RASGRF2: variants seen among roughly 807,000 people sequenced by gnomAD.
The protein encoded by RASGRF2 is Ras protein specific guanine nucleotide releasing factor 2.
RASGRF2 carries 76 observed loss-of-function variants against 151.0 expected under a neutral mutation model. The observed-to-expected ratio is 0.50, with a 90% CI of 0.42 to 0.61. RASGRF2 has a LOEUF of 0.61. Ranked by LOEUF, RASGRF2 falls within the 20% of genes least tolerant of loss-of-function variation. The pLI is 0.00. For synonymous variants in RASGRF2, 504 were observed against 566.5 expected, an observed-to-expected ratio of 0.89 and a Z score of 1.57; for missense variants, 1,148 against 1,564.6, an observed-to-expected ratio of 0.73 and a Z score of 4.49.
intron 12 of RASGRF2, among the ~76,000 whole-genome samples, chr5:81,103,051 A>G (rs559674818): frequency 1.3e-5 from 2 of 152,262 alleles, no homozygotes; most frequent in South Asian, 2.1e-4. Context: ...TAATAAAACT[A>G]TAAAAGAAAG....
At chr5:80,963,049 G>C (rs1204428486) in intron 1 of RASGRF2, among the ~76,000 whole-genome samples, 1 of 152,230 alleles carries the variant, frequency 6.6e-6, no homozygotes, top group East Asian at 1.9e-4. Flanking sequence ...AGTTGGGTTA[G>C]CTTAGCCCAC....
intron 16 of RASGRF2, among the ~76,000 whole-genome samples, chr5:81,125,017 AG>A (rs1239371569): frequency 6.6e-6 from 1 of 152,062 alleles, no homozygotes; most frequent in African/African-American, 2.4e-5. Context: ...CCTCCCGAGT[AG>A]CCAGGATTAC....
At chr5:81,000,982 T>C (rs1580187498) in intron 1 of RASGRF2, among the ~76,000 whole-genome samples, 1 of 152,346 alleles carries the variant, frequency 6.6e-6, no homozygotes, top group Middle Eastern at 3.4e-3. Context: ...CACCAGTGAA[T>C]GCAGTCTCAA....
chr5:81,205,057 C>A (rs1755474904), intron 19 of RASGRF2, among the ~76,000 whole-genome samples: 1 of 152,164 alleles, frequency 6.6e-6, no homozygotes, highest in African/African-American at 2.4e-5. Context: ...CCATGTGTAA[C>A]CCTTACATGT....
intron 17 of RASGRF2, among the ~76,000 whole-genome samples, chr5:81,139,405 CTTTTTT>C (rs757190046): frequency 3.3e-5 from 2 of 60,446 alleles, no homozygotes; most frequent in African/African-American, 1.0e-4. Context: ...TTCTTTCTTT[CTTTTTT>C]TTTTTTTTGA....
intron 15 of RASGRF2, among the ~76,000 whole-genome samples, chr5:81,118,159 A>G (rs984462847): frequency 6.6e-6 from 1 of 152,200 alleles, no homozygotes; most frequent in African/African-American, 2.4e-5. Flanking sequence ...GCATTGCCCC[A>G]GTGAGGACTC....
chr5:81,076,600 G>T (rs896148058), intron 5 of RASGRF2, among the ~76,000 whole-genome samples: 3 of 151,098 alleles, frequency 2.0e-5, no homozygotes, highest in Non-Finnish European at 3.0e-5. Flanking sequence ...TGGGAGGGAA[G>T]TGTCGGAGTT....
chr5:80,961,140 G>T, intron 1 of RASGRF2, 114 bp downstream of exon 1: 1 of 1,202,906 alleles, frequency 8.3e-7, no homozygotes, highest in Non-Finnish European at 1.1e-6. Flanking sequence ...ACTATGCTCC[G>T]AAATCCCCCC....
intron 16 of RASGRF2, among the ~76,000 whole-genome samples, chr5:81,124,365 A>G (rs1561219097): frequency 7.0e-6 from 1 of 142,110 alleles, no homozygotes; most frequent in Non-Finnish European, 1.5e-5. Context: ...TTTTGTGAGG[A>G]GTAACGTGAA....
At chr5:81,012,543 G>A (rs980442182) in intron 1 of RASGRF2, among the ~76,000 whole-genome samples, 4 of 152,080 alleles carry the variant, frequency 2.6e-5, no homozygotes, top group East Asian at 1.9e-4. Flanking sequence ...GTCTGTCGGC[G>A]CCTTCAGAGT....
chr5:81,219,862 A>G, intron 26 of RASGRF2, 84 bp downstream of exon 26: 1 of 1,122,648 alleles, frequency 8.9e-7, no homozygotes, highest in Non-Finnish European at 1.3e-6. Context: ...AGTTGATCCA[A>G]AATACCAAAA....
chr5:81,047,984 A>G (rs2112406243), intron 2 of RASGRF2, among the ~76,000 whole-genome samples: 1 of 152,340 alleles, frequency 6.6e-6, no homozygotes, highest in Non-Finnish European at 1.5e-5. Context: ...AGCAAGGTAT[A>G]TAGTATAAAA....
At chr5:81,067,255 G>A (rs1260771881) in intron 2 of RASGRF2, among the ~76,000 whole-genome samples, 2 of 152,108 alleles carry the variant, frequency 1.3e-5, no homozygotes, top group African/African-American at 2.4e-5. Flanking sequence ...TACCATTGGG[G>A]AAAGATGATA....
intron 1 of RASGRF2, among the ~76,000 whole-genome samples, chr5:81,000,304 C>T (rs1248449863): frequency 6.6e-6 from 1 of 152,184 alleles, no homozygotes; most frequent in Non-Finnish European, 1.5e-5. Context: ...TGCAATGGTG[C>T]GATCTTGGCT....
chr5:81,119,547 G>A (rs1753248485), intron 15 of RASGRF2, among the ~76,000 whole-genome samples: 1 of 152,232 alleles, frequency 6.6e-6, no homozygotes. Flanking sequence ...ATAGCATGGA[G>A]AGACCAAGAT....
At chr5:80,992,204 A>ACACATACACACACACACACACAC (rs1554083300) in intron 1 of RASGRF2, among the ~76,000 whole-genome samples, 2 of 152,092 alleles carry the variant, frequency 1.3e-5, no homozygotes, top group Non-Finnish European at 2.9e-5. Context: ...ACACAGAGAC[A>ACACATACACACACACACACACAC]AGAGAGAGGA....
chr5:81,164,455 T>TG (rs1754459389), intron 17 of RASGRF2, among the ~76,000 whole-genome samples: 2 of 56,500 alleles, frequency 3.5e-5, no homozygotes, highest in Non-Finnish European at 4.8e-5. Flanking sequence ...CCACGTTTGA[T>TG]GAAAAAAAAA....
chr5:80,979,858 C>T (rs1281470987), intron 1 of RASGRF2, among the ~76,000 whole-genome samples: 1 of 152,094 alleles, frequency 6.6e-6, no homozygotes, highest in East Asian at 1.9e-4. Flanking sequence ...CTCTGAAAAC[C>T]TGCTTGGAAA....
chr5:81,211,011 G>A (rs182361080), intron 22 of RASGRF2, among the ~76,000 whole-genome samples: 2 of 152,168 alleles, frequency 1.3e-5, no homozygotes, highest in Non-Finnish European at 2.9e-5. Context: ...AGGCATGGTA[G>A]TGCACACCTG....
Sources: allele counts gnomAD v4.1 joint callset (sites outside exome capture counted in the v4.1 genomes callset), GRCh38; gene constraint gnomAD v4.1.1; transcripts MANE v1.5; gene names NCBI Gene and HGNC (gene_info 2026-07-23, HGNC 2026-07-21).